The following ELL2 variants were observed in gnomAD, a reference collection of about 807,000 sequenced individuals.
The protein encoded by ELL2 is RNA polymerase II elongation factor ELL2.
In ELL2, 21 loss-of-function variants were observed where a neutral mutation model predicts 72.8. The observed-to-expected ratio is 0.29, with a 90% confidence interval of 0.20 to 0.42. The LOEUF (loss-of-function observed/expected upper bound fraction) is 0.42, where lower values mean the gene tolerates loss of function less well. ELL2 is among the 10% of genes least tolerant of loss of function. The pLI is 1.00. For missense variants in ELL2, 568 were observed against 772.8 expected, an observed-to-expected ratio of 0.73 and a Z score of 3.14; for synonymous variants, 266 against 283.2, an observed-to-expected ratio of 0.94 and a Z score of 0.61.
rs1750369915 is a variant in ELL2, at chr5:95,927,472, GACATACACACACGTGTGTATATAGACAT to G, written c.196-7955_196-7928del. 6.6e-5 allele frequency among the ~76,000 whole-genome samples: 2 copies of G among 30,114 alleles called. 1 individual carries two copies. The highest frequency in any genetic ancestry group is 7.3e-4 in the African/African-American group (2 of 2,740). 19.8% of individuals were successfully genotyped at this position (30,114 alleles called of 152,430 possible). ...ACATACACACACACGTGTGTATATA[GACATACACACACGTGTGTATATAGACAT>G]ACACACACGTGTGTATATAGACATA... On this transcript the variant is annotated intron_variant, in intron 2 of 11. Transcript: ENST00000237853.
chr5:95,949,004 T>G (rs1046360271), intron 1 of ELL2, among the ~76,000 whole-genome samples: 3 of 152,236 alleles, frequency 2.0e-5, no homozygotes, highest in Non-Finnish European at 4.4e-5. Context: ...AAGCACAGAA[T>G]AGTAGTATAG....
intron 4 of ELL2, chr5:95,913,333 G>C (rs538197889): frequency 1.3e-5 from 2 of 152,862 alleles, no homozygotes; most frequent in Non-Finnish European, 2.9e-5. Flanking sequence ...GAAAATGTAA[G>C]CAAAATCTAC....
At chr5:95,911,343 C>CT (rs141460387) in intron 4 of ELL2, among the ~76,000 whole-genome samples, 54,111 of 146,292 alleles carry the variant, frequency 0.37, 11,085 homozygotes, top group African/African-American at 0.56. Context: ...AATGATCACA[C>CT]TTTTTTTTTT....
chr5:95,901,363 T>A (rs940163166), intron 5 of ELL2, among the ~76,000 whole-genome samples: 10 of 152,212 alleles, frequency 6.6e-5, no homozygotes, highest in Admixed American at 1.3e-4. Context: ...GTGAAGATTT[T>A]AAAAAAATCA....
At chr5:95,950,902 GTGTATATA>G (rs1243939443) in intron 1 of ELL2, among the ~76,000 whole-genome samples, 4,111 of 74,886 alleles carry the variant, frequency 0.055, 265 homozygotes, top group East Asian at 0.08. Context: ...ATGTATGTAT[GTGTATATA>G]TATATATATA....
At chr5:95,904,862 T>C (rs941186058) in intron 5 of ELL2, among the ~76,000 whole-genome samples, 7 of 152,218 alleles carry the variant, frequency 4.6e-5, no homozygotes, top group African/African-American at 1.7e-4. Flanking sequence ...GTTATGAATA[T>C]GCCTGATATC....
chr5:95,898,908 ACTATTAATATTACCAGG>A, intron 7 of ELL2, 98 bp from the exon 8 acceptor site: 5 of 864,274 alleles, frequency 5.8e-6, no homozygotes, highest in Non-Finnish European at 8.4e-6. Context: ...AACCTTACTT[ACTATTAATATTACCAGG>A]GTTGTAATAT....
At chr5:95,939,795 A>G (rs1750904958) in intron 2 of ELL2, among the ~76,000 whole-genome samples, 1 of 152,230 alleles carries the variant, frequency 6.6e-6, no homozygotes, top group Admixed American at 6.5e-5. Flanking sequence ...AGCTTACTTC[A>G]CAATAAAAAT....
At chr5:95,894,338 C>T (rs1184606722) in intron 9 of ELL2, among the ~76,000 whole-genome samples, 1 of 152,156 alleles carries the variant, frequency 6.6e-6, no homozygotes, top group East Asian at 1.9e-4. Context: ...AGTTTCCCCA[C>T]ATGATTCTGT....
chr5:95,961,251 C>A (rs1257136957), intron 1 of ELL2, among the ~76,000 whole-genome samples: 3 of 152,060 alleles, frequency 2.0e-5, no homozygotes, highest in African/African-American at 7.2e-5. Flanking sequence ...TTATCGGGGC[C>A]TCTCTCCCTC....
At chr5:95,900,864 C>T in intron 6 of ELL2, 84 bp from the exon 7 acceptor site, 1 of 1,560,194 alleles carries the variant, frequency 6.4e-7, no homozygotes, top group Non-Finnish European at 8.6e-7. Flanking sequence ...CCCTTCCCAC[C>T]TTAACACTAA....
At chr5:95,937,561 T>A (rs1750823689) in intron 2 of ELL2, among the ~76,000 whole-genome samples, 1 of 151,624 alleles carries the variant, frequency 6.6e-6, no homozygotes, top group Non-Finnish European at 1.5e-5. Context: ...AAAACTAAAA[T>A]TTTTTTAACA....
intron 2 of ELL2, among the ~76,000 whole-genome samples, chr5:95,928,672 T>G (rs1388282987): frequency 1.3e-5 from 2 of 152,248 alleles, no homozygotes; most frequent in African/African-American, 4.8e-5. Context: ...TGGCTCAGTA[T>G]TACCTTTTGC....
intron 1 of ELL2, among the ~76,000 whole-genome samples, chr5:95,958,704 A>C (rs1359213057): frequency 2.6e-5 from 4 of 152,140 alleles, no homozygotes; most frequent in Non-Finnish European, 5.9e-5. Context: ...GGAGAAAAGG[A>C]ATCCTAGGAC....
In ELL2 at chr5:95,906,625, T is replaced by G. The variant is rs1413155971; in HGVS notation, c.639A>C (p.Leu213Phe). The G allele has an allele frequency of 6.2e-7, 1 of 1,614,134 alleles. No homozygotes were observed. Among genetic ancestry groups the G allele is most frequent in the East Asian group, 2.2e-5 (1 of 44,878 alleles). The change falls in exon 5 of 12, where the codon TTA (leucine) becomes TTC (phenylalanine). Residue 213 changes from leucine (L) to phenylalanine (F), a missense_variant. Transcript: ENST00000237853. ...GTTTCTTGTAGGCCTTCAGGGCCAG[T>G]AAGTGAATCACCCTGTCCCTGTATG... ...QRPYRDRVIHLLALKAYKKPE... is the reference protein window; with the variant it reads ...QRPYRDRVIHFLALKAYKKPE...
chr5:95,960,510 G>C (rs895942089), intron 1 of ELL2, among the ~76,000 whole-genome samples: 14 of 151,938 alleles, frequency 9.2e-5, no homozygotes, highest in Non-Finnish European at 1.9e-4. Context: ...TGTACTGGAG[G>C]GGTGTGTGTG....
At position 95,893,032 on chromosome 5, in the gene ELL2, G is replaced by A. The variant is rs149975653; in HGVS notation, c.1590-1758C>T. ...CATATATTAGCAACACAGCTAAACCGATCTTAAAACTTAGACTTAATTTGT... is the reference window on the plus strand; with the variant it reads ...CATATATTAGCAACACAGCTAAACCAATCTTAAAACTTAGACTTAATTTGT... On this transcript the variant is annotated intron_variant, in intron 9 of 11. Transcript: ENST00000237853. 8.7e-3 allele frequency among the ~76,000 whole-genome samples: 1,326 copies of A among 152,230 alleles called. 17 individuals are homozygous for A. Among genetic ancestry groups the A allele is most frequent in the African/African-American group, 0.031 (1,271 of 41,512 alleles).
chr5:95,951,918 G>C (rs781487973), intron 1 of ELL2, among the ~76,000 whole-genome samples: 20 of 152,190 alleles, frequency 1.3e-4, no homozygotes, highest in African/African-American at 2.9e-4. Flanking sequence ...ACAAATCAAG[G>C]GTTGCTAGTC....
At chr5:95,921,316 T>C (rs766419019) in intron 2 of ELL2, among the ~76,000 whole-genome samples, 5 of 152,242 alleles carry the variant, frequency 3.3e-5, no homozygotes, top group Non-Finnish European at 5.9e-5. Context: ...AAAGATACTA[T>C]AGATAGATAA....
Sources: allele counts gnomAD v4.1 joint callset (sites outside exome capture counted in the v4.1 genomes callset), GRCh38; gene constraint gnomAD v4.1.1; transcripts MANE v1.5; gene names NCBI Gene and HGNC (gene_info 2026-07-23, HGNC 2026-07-21).